Variants in JAK1 observed in about 807,000 individuals in gnomAD.
The protein encoded by JAK1 is Janus kinase 1, also known as tyrosine-protein kinase JAK1.
A neutral mutation model predicts 136.6 loss-of-function variants in JAK1; 16 were observed. The ratio of observed to expected loss-of-function variants is 0.12; its 90% confidence interval spans 0.08 to 0.18. The LOEUF is 0.18. Ranked by LOEUF, JAK1 falls within the 10% of genes least tolerant of loss-of-function variation. The pLI is 1.00. For missense variants in JAK1, 859 were observed against 1,450.1 expected (o/e 0.59, Z 6.62); for synonymous variants, 492 against 519.5 (o/e 0.95, Z 0.72).
chr1:64,862,643 A>G (rs1032263291), intron 8 of JAK1, among the ~76,000 whole-genome samples: 3 of 152,202 alleles, frequency 2.0e-5, no homozygotes, highest in African/African-American at 7.2e-5. Flanking sequence ...TGACTGTGTC[A>G]ACCAGGACAG....
At chr1:64,973,822 A>G (rs1479490615) in intron 2 of JAK1, 2 of 152,094 alleles carry the variant, frequency 1.3e-5, no homozygotes, top group Non-Finnish European at 2.9e-5. Context: ...CCATGCAAAC[A>G]GTAGGCTGTC....
chr1:64,998,306 T>C (rs1344280587), intron 2 of JAK1, among the ~76,000 whole-genome samples: 2 of 152,254 alleles, frequency 1.3e-5, no homozygotes, highest in Admixed American at 6.5e-5. Context: ...TTGTTGAAAG[T>C]AATTACCATA....
In JAK1 at chr1:65,001,773, G is replaced by A. The variant is rs1005269630; in HGVS notation, c.-78+42707C>T. Reference sequence around the variant, plus strand: ...GCAAGTGTTTGAGTGTGAGTGTGTGGTATGTGTGTTTGAGGGGTAGCAGGA... The same window carrying A: ...GCAAGTGTTTGAGTGTGAGTGTGTGATATGTGTGTTTGAGGGGTAGCAGGA... On this transcript the variant is annotated intron_variant, in intron 2 of 25. Transcript: ENST00000671954. Among the ~76,000 whole-genome samples, 6 of 151,790 alleles carry A rather than the reference G, an allele frequency of 4.0e-5. No individual in the cohort carries two copies. The East Asian group carries it at 1.2e-3, about 29-fold the overall frequency.
At chr1:65,047,299 T>C (rs898412948) in intron 1 of JAK1, among the ~76,000 whole-genome samples, 1 of 152,224 alleles carries the variant, frequency 6.6e-6, no homozygotes, top group Non-Finnish European at 1.5e-5. Flanking sequence ...TGAAACACAT[T>C]ATTTAATCCC....
At chr1:64,896,006 G>A (rs1469873049) in intron 1 of JAK1, among the ~76,000 whole-genome samples, 1 of 152,214 alleles carries the variant, frequency 6.6e-6, no homozygotes. Flanking sequence ...GGAACTACTC[G>A]GGAACGGGGA....
intron 1 of JAK1, among the ~76,000 whole-genome samples, chr1:64,940,862 A>G (rs552637873): frequency 1.3e-5 from 2 of 152,340 alleles, no homozygotes; most frequent in Non-Finnish European, 2.9e-5. Flanking sequence ...TTTTTTCATT[A>G]AAGTAGTTAA....
At chr1:65,037,562 A>G (rs142848297) in intron 2 of JAK1, among the ~76,000 whole-genome samples, 59 of 152,342 alleles carry the variant, frequency 3.9e-4, no homozygotes, top group African/African-American at 1.3e-3. Context: ...ATAGATTTTC[A>G]TTTCTTCAGA....
At chr1:64,845,040 C>CCTGTG in intron 15 of JAK1, 151 bp from the exon 16 acceptor site, 1 of 1,029,178 alleles carries the variant, frequency 9.7e-7, no homozygotes, top group Non-Finnish European at 1.4e-6. Context: ...GACTTAGGCA[C>CCTGTG]ATCACAGGTG....
intron 1 of JAK1, among the ~76,000 whole-genome samples, chr1:64,897,648 A>C (rs1645043944): frequency 6.6e-6 from 1 of 150,522 alleles, no homozygotes; most frequent in Non-Finnish European, 1.5e-5. Context: ...AGAACCAAAA[A>C]AGATGAGGTA....
chr1:65,040,640 A>G (rs11208573), intron 2 of JAK1, among the ~76,000 whole-genome samples: 44,320 of 151,620 alleles, frequency 0.29, 7,804 homozygotes, highest in African/African-American at 0.47. Flanking sequence ...GCCCTCACAT[A>G]CACACACATG....
chr1:64,845,667 G>A (rs758734898), intron 14 of JAK1, 27 bp from the exon 15 acceptor site: 1 of 1,614,060 alleles, frequency 6.2e-7, no homozygotes, highest in Non-Finnish European at 8.5e-7. Flanking sequence ...AGCCATGTCT[G>A]GAACCTGGTC....
intron 1 of JAK1, among the ~76,000 whole-genome samples, chr1:64,918,181 C>G (rs986588087): frequency 6.6e-6 from 1 of 152,120 alleles, no homozygotes; most frequent in Admixed American, 6.6e-5. Context: ...TCTAAGATAC[C>G]AGTAATGTTC....
At chr1:64,965,623 A>C (rs551683936) in intron 1 of JAK1, among the ~76,000 whole-genome samples, 1 of 152,110 alleles carries the variant, frequency 6.6e-6, no homozygotes, top group Non-Finnish European at 1.5e-5. Flanking sequence ...AGTTTCGGTT[A>C]ATCAGTCCCT....
intron 2 of JAK1, among the ~76,000 whole-genome samples, chr1:65,008,187 T>C (rs1037882976): frequency 4.6e-5 from 7 of 152,078 alleles, no homozygotes; most frequent in Admixed American, 4.6e-4. Context: ...GACCACCCAA[T>C]GATCACCCAG....
intron 3 of JAK1, among the ~76,000 whole-genome samples, chr1:64,881,958 A>C (rs552452111): frequency 6.6e-6 from 1 of 152,366 alleles, no homozygotes; most frequent in South Asian, 2.1e-4. Context: ...CTTAAAAAAA[A>C]CTTTAGAACC....
At chr1:64,854,956 T>C (rs940990431) in intron 11 of JAK1, among the ~76,000 whole-genome samples, 3 of 152,196 alleles carry the variant, frequency 2.0e-5, no homozygotes, top group African/African-American at 7.2e-5. Flanking sequence ...CAGCCCCCTG[T>C]GCCACGGAAC....
intron 1 of JAK1, among the ~76,000 whole-genome samples, chr1:64,895,570 G>A (rs1166147091): frequency 6.6e-6 from 1 of 152,152 alleles, no homozygotes; most frequent in East Asian, 1.9e-4. Flanking sequence ...GTTACCACAA[G>A]ATTACTTCTC....
intron 2 of JAK1, among the ~76,000 whole-genome samples, chr1:64,980,292 TTCTAC>T (rs1646532401): frequency 6.6e-6 from 1 of 152,132 alleles, no homozygotes; most frequent in Non-Finnish European, 1.5e-5. Context: ...CACCTCCTCA[TTCTAC>T]TCTGTTTTGC....
At chr1:64,869,162 T>C in intron 6 of JAK1, 149 bp downstream of exon 6, 1 of 671,596 alleles carries the variant, frequency 1.5e-6, no homozygotes, top group South Asian at 1.8e-5. Flanking sequence ...TTAGGCTACG[T>C]GTATGTAGTA....
Sources: allele counts gnomAD v4.1 joint callset (sites outside exome capture counted in the v4.1 genomes callset), GRCh38; gene constraint gnomAD v4.1.1; transcripts MANE v1.5; gene names NCBI Gene and HGNC (gene_info 2026-07-23, HGNC 2026-07-21).